The following NDST1 variants were observed in gnomAD, a reference collection of about 807,000 sequenced individuals.
NDST1 encodes bifunctional heparan sulfate N-deacetylase/N-sulfotransferase 1.
In NDST1, 35 loss-of-function variants were observed where a neutral mutation model predicts 92.8. The observed-to-expected ratio is 0.38, with a 90% confidence interval of 0.29 to 0.50. The LOEUF (loss-of-function observed/expected upper bound fraction) is 0.50, where lower values mean the gene tolerates loss of function less well. Ranked by LOEUF, NDST1 falls within the 20% of genes least tolerant of loss-of-function variation. The pLI, the probability that NDST1 is intolerant of heterozygous loss-of-function variation, is 0.94. For missense variants in NDST1, 822 were observed against 1,182.7 expected (o/e 0.69, Z 4.47); for synonymous variants, 493 against 500.3 (o/e 0.99, Z 0.19).
At chr5:150,524,251 G>A (rs1754369453) in intron 2 of NDST1, among the ~76,000 whole-genome samples, 1 of 152,236 alleles carries the variant, frequency 6.6e-6, no homozygotes, top group Admixed American at 6.5e-5. Flanking sequence ...GGGGAGCACT[G>A]AGCCCATTGC....
At position 150,546,717 on chromosome 5, in the gene NDST1, G is replaced by T. The variant is rs3776837; in HGVS notation, c.2145+1231G>T. On this transcript the variant is annotated intron_variant, in intron 11 of 14. Transcript: ENST00000261797. ...GTGGCTGTCTCCCGCCTGGGACCTT[G>T]CGGTCTCCCGCAGGGCTGGCACCTG... Among the ~76,000 whole-genome samples, 1,232 of 152,340 alleles carry T rather than the reference G, an allele frequency of 8.1e-3. 48 individuals carry two copies. The East Asian group carries it at 0.13, about 16-fold the overall frequency.
intron 1 of NDST1, among the ~76,000 whole-genome samples, chr5:150,500,751 T>C (rs1287224574): frequency 6.6e-6 from 1 of 152,242 alleles, no homozygotes; most frequent in Non-Finnish European, 1.5e-5. Flanking sequence ...TGTGGTCCTG[T>C]GGCAGGCAGG....
At chr5:150,549,842 C>A in intron 13 of NDST1, 55 bp downstream of exon 13, 1 of 1,043,006 alleles carries the variant, frequency 9.6e-7, no homozygotes, top group Non-Finnish European at 1.5e-6. Flanking sequence ...GCACCTGGGC[C>A]AACAAAGCCA....
At chr5:150,530,624 C>T (rs1439013778) in intron 3 of NDST1, among the ~76,000 whole-genome samples, 8 of 141,956 alleles carry the variant, frequency 5.6e-5, no homozygotes, top group African/African-American at 1.1e-4. Context: ...AGTGCAGTGG[C>T]GGGATCACAG....
Position 150,521,653 on chromosome 5 carries a change from C to T in NDST1, c.399C>T (p.Phe133=), listed in dbSNP as rs753820367. ...TCACTGACAAGGGCCGTGGCCGCTT[C>T]GCCCTCATCATCTATGAGAACATCC... ...PTLTDKGRGR[F]ALIIYENILK... is the part of the protein sequence containing the mutation. The change falls in exon 2 of 15, where the codon TTC becomes TTT. Residue 133 remains phenylalanine, a synonymous_variant. Transcript: ENST00000261797. The surrounding 1 kb of genome is among the most constrained non-coding windows in gnomAD (Gnocchi z 5.9). The T allele has an allele frequency of 2.4e-5, 38 of 1,613,980 alleles. No individual in the cohort carries two copies. The highest frequency in any genetic ancestry group is 2.9e-5 in the Non-Finnish European group (34 of 1,180,044).
rs776242375 is a variant in NDST1, at chr5:150,539,290, C to T, written c.1500C>T (p.Gly500=). The change falls in exon 7 of 15, where the codon GGC becomes GGT. Residue 500 remains glycine (G), a synonymous_variant. Transcript: ENST00000261797. ...THTIFYNEYP[G]GSSELDKIIN... is the part of the protein sequence containing the mutation. The stretch of plus-strand genomic sequence containing the variant: ...CCATCTTCTACAACGAGTACCCTGG[C>T]GGCTCCAGTGAGCTGGACAAGATCA... The T allele has an allele frequency of 1.7e-5, 27 of 1,614,032 alleles. No individual in the cohort carries two copies. The highest frequency in any genetic ancestry group is 4.4e-5 in the South Asian group (4 of 91,088).
chr5:150,521,665 C>T lies in NDST1; in HGVS notation c.411C>T (p.Ile137=), dbSNP rs750236336. ...DKGRGRFALI[I]YENILKYVNL... is the part of the protein sequence containing the mutation. ...GCCGTGGCCGCTTCGCCCTCATCAT[C>T]TATGAGAACATCCTCAAGTATGTCA... Residue 137 remains isoleucine, a synonymous_variant, in exon 2 of 15, where the codon ATC becomes ATT. Transcript: ENST00000261797. The surrounding 1 kb of genome is among the most constrained non-coding windows in gnomAD (Gnocchi z 5.9). 6.2e-7 allele frequency: 1 copy of T among 1,614,088 alleles called. No homozygotes were observed. Among genetic ancestry groups the T allele is most frequent in the South Asian group, 1.1e-5 (1 of 91,090 alleles).
At chr5:150,505,599 T>C (rs749613933), upstream of NDST1, among the ~76,000 whole-genome samples, 6 of 152,100 alleles carry the variant, frequency 3.9e-5, no homozygotes, top group Non-Finnish European at 5.9e-5. Flanking sequence ...GCCTGGAACG[T>C]GGTCACTGAC....
Position 150,548,152 on chromosome 5 carries a change from G to C in NDST1, c.2146-66G>C, listed in dbSNP as rs544480337. 4 of 1,602,756 alleles carry C rather than the reference G, an allele frequency of 2.5e-6. No individual in the cohort carries two copies. The African/African-American group carries it at 5.4e-5, about 21-fold the overall frequency. ...TCTTCTGGCCACCTTGCGGGCTGCT[G>C]TCCCTCTCAGGCCACTTCCTTTGTG... is the stretch of plus-strand genomic sequence containing the variant. On this transcript the variant is annotated intron_variant, in intron 11 of 14. Coordinates refer to ENST00000261797, the MANE Select transcript of NDST1 (RefSeq NM_001543.5).
intron 3 of NDST1, among the ~76,000 whole-genome samples, chr5:150,529,110 G>A (rs926060483): frequency 1.3e-5 from 2 of 152,030 alleles, no homozygotes; most frequent in Non-Finnish European, 2.9e-5. Context: ...AAGGTTTGCT[G>A]GCCGGGTGTG....
rs1754225907 is a variant in NDST1 at position 150,521,182 on chromosome 5, T to A, written c.-73T>A. The A allele has an allele frequency of 7.3e-7, 1 of 1,376,508 alleles. No individual in the cohort carries two copies. Among genetic ancestry groups the A allele is most frequent in the Non-Finnish European group, 9.9e-7 (1 of 1,007,122 alleles). 85.3% of individuals were successfully genotyped at this position (1,376,508 alleles called of 1,614,324 possible). On this transcript the variant is annotated 5_prime_UTR_variant, in exon 2 of 15. Transcript: ENST00000261797. The surrounding 1 kb of genome is among the most constrained non-coding windows in gnomAD (Gnocchi z 5.9). ...TGTTGGTCAGTGGACGATTCTCGTG[T>A]CTCCTCCTGTGTGGGGCCTTGGGGT...
rs1755828397 is a variant in NDST1, at chr5:150,554,361, T to TA, written c.*1029_*1030insA. Reference sequence around the variant, plus strand: ...TATATATATATATATATATATATAATGTGTATATATATATATTCTATTTTT... The same window carrying TA: ...TATATATATATATATATATATATAATAGTGTATATATATATATTCTATTTTT... On this transcript the variant is annotated 3_prime_UTR_variant, in exon 15 of 15. Coordinates refer to ENST00000261797, the MANE Select transcript of NDST1 (RefSeq NM_001543.5). 7.1e-6 allele frequency: 1 copy of TA among 140,136 alleles called. No homozygotes were observed. Among genetic ancestry groups the TA allele is most frequent in the Non-Finnish European group, 1.4e-5 (1 of 70,010 alleles). 8.7% of individuals were successfully genotyped at this position (140,136 alleles called of 1,614,324 possible). A position where few individuals can be genotyped will look rare whatever the true frequency, so the allele number is the denominator to read the frequency against.
intron 2 of NDST1, among the ~76,000 whole-genome samples, chr5:150,524,120 G>C (rs1477147465): frequency 1.3e-5 from 2 of 152,212 alleles, no homozygotes; most frequent in African/African-American, 4.8e-5. Context: ...GTCCAGACAG[G>C]TTCAAATCTC....
intron 6 of NDST1, 25 bp downstream of exon 6, chr5:150,535,910 G>C: frequency 6.2e-7 from 1 of 1,608,206 alleles, no homozygotes; most frequent in East Asian, 2.2e-5. Flanking sequence ...GGAAGCCCAG[G>C]AGGTGGGAGA....
intron 2 of NDST1, among the ~76,000 whole-genome samples, chr5:150,524,269 C>T (rs921966431): frequency 2.6e-5 from 4 of 152,220 alleles, no homozygotes; most frequent in Admixed American, 6.5e-5. Context: ...TGCCTGGTAC[C>T]GGAGCCACTC....
intron 3 of NDST1, among the ~76,000 whole-genome samples, chr5:150,531,787 C>T (rs1754752364): frequency 6.6e-6 from 1 of 152,226 alleles, no homozygotes; most frequent in South Asian, 2.1e-4. Context: ...GCATGAGCCA[C>T]TGCACCTGGC....
intron 1 of NDST1, among the ~76,000 whole-genome samples, chr5:150,511,294 G>A (rs1431431796): frequency 6.6e-6 from 1 of 152,234 alleles, no homozygotes; most frequent in Admixed American, 6.5e-5. Flanking sequence ...ACCTGCTGTG[G>A]GTAGGAGATG....
At chr5:150,549,532 C>A in intron 12 of NDST1, 146 bp from the exon 13 acceptor site, 1 of 687,078 alleles carries the variant, frequency 1.5e-6, no homozygotes, top group Non-Finnish European at 2.7e-6. Context: ...CTTGGGGATA[C>A]CTGCCCTTCA....
chr5:150,543,392 C>T (rs1755336321), intron 10 of NDST1, among the ~76,000 whole-genome samples: 2 of 152,164 alleles, frequency 1.3e-5, no homozygotes. Context: ...CTTTGGGCGT[C>T]ACTTGGGGAA....
Sources: allele counts gnomAD v4.1 joint callset (sites outside exome capture counted in the v4.1 genomes callset), GRCh38; gene constraint gnomAD v4.1.1; non-coding constraint Gnocchi (gnomAD v3.1); transcripts MANE v1.5; gene names NCBI Gene and HGNC (gene_info 2026-07-23, HGNC 2026-07-21).